Variants in PDE4DIP observed in about 807,000 individuals in gnomAD.
PDE4DIP encodes phosphodiesterase 4D interacting protein, also known as myomegalin.
PDE4DIP carries 59 observed loss-of-function variants against 221.4 expected under a neutral mutation model. That is an observed-to-expected ratio of 0.27 (90% confidence interval 0.22 to 0.33). The LOEUF is 0.33. Among genes scored for constraint, PDE4DIP ranks in the 10% least tolerant of loss-of-function variants. The pLI is 1.00. For missense variants in PDE4DIP, 1,036 were observed against 2,154.2 expected (o/e 0.48, Z 10.28); for synonymous variants, 404 against 815.9 (o/e 0.50, Z 8.60).
At chr1:149,020,796 G>A in intron 36 of PDE4DIP, 2 of 541,316 alleles carry the variant, frequency 3.7e-6, no homozygotes. Flanking sequence ...AACTAATGTA[G>A]GTAATGGTGT....
Position 148,912,030 on chromosome 1 carries a change from G to A in PDE4DIP, c.142-17167G>A, listed in dbSNP as rs2042863867. 1.4e-5 allele frequency among the ~76,000 whole-genome samples: 2 copies of A among 146,472 alleles called. 1 individual carries two copies. Among genetic ancestry groups the A allele is most frequent in the Non-Finnish European group, 3.0e-5 (2 of 66,406 alleles). On this transcript the variant is annotated intron_variant, in intron 1 of 43. Transcript: ENST00000369354. Reference sequence around the variant, plus strand: ...CCCAAAGAGAAGGAGTTACACAAGGGCACAAACACCAAGAGGCGGGGATCA... The same window carrying A: ...CCCAAAGAGAAGGAGTTACACAAGGACACAAACACCAAGAGGCGGGGATCA...
intron 19 of PDE4DIP, among the ~76,000 whole-genome samples, chr1:148,978,806 T>C (rs2060620369): frequency 6.6e-6 from 1 of 152,194 alleles, no homozygotes; most frequent in South Asian, 2.1e-4. Context: ...CTCAGCTATT[T>C]GTGGAGGGTT....
At chr1:148,828,177 A>T (rs1213321462) in intron 1 of PDE4DIP, among the ~76,000 whole-genome samples, 1 of 7,870 alleles carries the variant, frequency 1.3e-4, no homozygotes, top group African/African-American at 3.7e-4. Context: ...ATAATTTTTA[A>T]ATTTTTTTTT....
intron 4 of PDE4DIP, among the ~76,000 whole-genome samples, chr1:148,934,763 C>A (rs1165817681): frequency 2.0e-5 from 3 of 151,812 alleles, no homozygotes; most frequent in Non-Finnish European, 4.4e-5. Context: ...ACCACCACGC[C>A]CAGCTAATTT....
intron 17 of PDE4DIP, 75 bp from the exon 21 acceptor site, chr1:148,977,862 G>C: frequency 1.3e-6 from 2 of 1,580,546 alleles, no homozygotes; most frequent in Non-Finnish European, 1.7e-6. Flanking sequence ...CTGGCTGATA[G>C]TAATAGGATA....
At chr1:149,020,878 C>T (rs2072569399) in intron 36 of PDE4DIP, 151 bp from the exon 40 acceptor site, 2 of 580,958 alleles carry the variant, frequency 3.4e-6, no homozygotes, top group Non-Finnish European at 3.1e-6. Flanking sequence ...TGATAGTCTT[C>T]ATGACCCCCT....
At chr1:148,981,728 C>T in intron 21 of PDE4DIP, 1 of 274,226 alleles carries the variant, frequency 3.6e-6, no homozygotes, top group Middle Eastern at 1.3e-3. Flanking sequence ...CTAGCCCCTT[C>T]TCGTTCCCTC....
intron 16 of PDE4DIP, among the ~76,000 whole-genome samples, chr1:148,973,466 G>T (rs2059594249): frequency 6.6e-6 from 1 of 151,930 alleles, no homozygotes; most frequent in African/African-American, 2.4e-5. Context: ...AACTAGCAAT[G>T]AATATTTTTA....
At chr1:149,025,204 GA>G (rs2074770510) in intron 38 of PDE4DIP, among the ~76,000 whole-genome samples, 1 of 151,530 alleles carries the variant, frequency 6.6e-6, no homozygotes, top group South Asian at 2.1e-4. Context: ...GACAAGCGGG[GA>G]TTTAGAGAAG....
At chr1:148,875,855 G>C (rs1225956024) in intron 3 of PDE4DIP, among the ~76,000 whole-genome samples, 1 of 152,268 alleles carries the variant, frequency 6.6e-6, no homozygotes, top group African/African-American at 2.4e-5. Context: ...GAACCCAGAG[G>C]GCAGAGGTTG....
In PDE4DIP at chr1:148,821,013, G is replaced by A. The variant is rs1254197569; in HGVS notation, c.233+12276G>A. 3.7e-4 allele frequency among the ~76,000 whole-genome samples: 55 copies of A among 150,318 alleles called. No homozygotes were observed. In the South Asian group the frequency reaches 0.01, roughly 28 times the overall value. On this transcript the variant is annotated intron_variant, in intron 1 of 45. Coordinates refer to the PDE4DIP transcript ENST00000524974. ...ATTACAGGCACCCAATACCTCGCCCGGCTAATTTTTCGTATTTTCAGTAGA... is the reference window on the plus strand; with the variant it reads ...ATTACAGGCACCCAATACCTCGCCCAGCTAATTTTTCGTATTTTCAGTAGA...
At chr1:148,939,671 C>T (rs2050094175) in intron 5 of PDE4DIP, 1 of 152,000 alleles carries the variant, frequency 6.6e-6, no homozygotes, top group Admixed American at 6.6e-5. Flanking sequence ...TGGAAATTTT[C>T]TTAAGGGACT....
intron 4 of PDE4DIP, among the ~76,000 whole-genome samples, chr1:148,933,665 G>A (rs1407750041): frequency 1.3e-5 from 2 of 152,144 alleles, no homozygotes; most frequent in Non-Finnish European, 2.9e-5. Flanking sequence ...AACCACATGT[G>A]CATACCATGA....
intron 5 of PDE4DIP, chr1:148,951,978 G>C: frequency 2.2e-6 from 2 of 927,128 alleles, no homozygotes; most frequent in Non-Finnish European, 2.6e-6. Flanking sequence ...GAGGCTGCTG[G>C]CGGGAAGCGG....
intron 4 of PDE4DIP, among the ~76,000 whole-genome samples, chr1:148,936,583 G>T: frequency 6.6e-6 from 1 of 152,230 alleles, no homozygotes; most frequent in East Asian, 1.9e-4. Flanking sequence ...GGAACATGCT[G>T]TGGGTGATTT....
intron 5 of PDE4DIP, chr1:148,953,941 T>A: frequency 6.6e-7 from 1 of 1,521,654 alleles, no homozygotes; most frequent in Non-Finnish European, 9.0e-7. Flanking sequence ...TTTCTGATTA[T>A]AGCTAGCTGG....
chr1:148,918,657 A>ACACACACC (rs1453860776), intron 1 of PDE4DIP, among the ~76,000 whole-genome samples: 1 of 106,932 alleles, frequency 9.4e-6, no homozygotes, highest in Non-Finnish European at 1.9e-5. Flanking sequence ...ACACACACAC[A>ACACACACC]CCCTAGCTGT....
chr1:148,953,136 T>C (rs782616978), intron 5 of PDE4DIP: 16 of 1,613,910 alleles, frequency 9.9e-6, no homozygotes, highest in Non-Finnish European at 1.2e-5. Context: ...GACATGTCCG[T>C]CTTACCCGAT....
At chr1:148,954,200 G>A (rs1553499174) in intron 5 of PDE4DIP, among the ~76,000 whole-genome samples, 1 of 151,718 alleles carries the variant, frequency 6.6e-6, no homozygotes, top group Admixed American at 6.6e-5. Context: ...ATAAAAAGAA[G>A]ACATTTAATC....
Sources: gnomAD v4.1 joint callset for allele counts (sites outside exome capture counted in the v4.1 genomes callset) on GRCh38, gnomAD v4.1.1 for gene constraint, MANE v1.5 for transcripts, NCBI Gene and HGNC (gene_info 2026-07-23, HGNC 2026-07-21) for gene names.